Variants in SEMA6D observed in about 807,000 individuals in gnomAD.
SEMA6D encodes the protein semaphorin-6D.
In SEMA6D, 35 loss-of-function variants were observed where a neutral mutation model predicts 106.6. The observed-to-expected ratio is 0.33, with a 90% CI of 0.25 to 0.44. The LOEUF (loss-of-function observed/expected upper bound fraction) is 0.44. SEMA6D is among the 20% of genes least tolerant of loss of function. The pLI is 1.00. For synonymous variants in SEMA6D, 499 were observed against 487.7 expected (o/e 1.02, Z -0.31); for missense variants, 1,185 against 1,345.9 (o/e 0.88, Z 1.87).
intron 1 of SEMA6D, among the ~76,000 whole-genome samples, chr15:47,404,387 A>G (rs909955765): frequency 3.3e-5 from 5 of 152,090 alleles, no homozygotes; most frequent in Admixed American, 2.0e-4. Context: ...TCCTCATTTT[A>G]TCAAAGAGAG....
intron 1 of SEMA6D, among the ~76,000 whole-genome samples, chr15:47,206,799 C>T (rs1234549737): frequency 6.6e-6 from 1 of 152,076 alleles, no homozygotes; most frequent in Non-Finnish European, 1.5e-5. Context: ...AACAGCATTC[C>T]TGCAGCCCTC....
chr15:47,455,275 C>T (rs1432659929), intron 2 of SEMA6D, among the ~76,000 whole-genome samples: 2 of 151,798 alleles, frequency 1.3e-5, no homozygotes, highest in South Asian at 4.2e-4. Flanking sequence ...CCTATATGTC[C>T]CTCTTTCCAC....
At chr15:47,525,893 C>CA (rs1566858043) in intron 3 of SEMA6D, among the ~76,000 whole-genome samples, 1 of 151,876 alleles carries the variant, frequency 6.6e-6, no homozygotes, top group East Asian at 1.9e-4. Flanking sequence ...CAAAACAAAA[C>CA]AAAAAAATAA....
At chr15:47,581,975 T>G (rs2076262185) in intron 3 of SEMA6D, among the ~76,000 whole-genome samples, 1 of 152,190 alleles carries the variant, frequency 6.6e-6, no homozygotes, top group Non-Finnish European at 1.5e-5. Context: ...GGATATCGAT[T>G]GGGAAATTTT....
intron 1 of SEMA6D, among the ~76,000 whole-genome samples, chr15:47,408,944 T>A (rs1032583478): frequency 1.2e-4 from 19 of 152,156 alleles, no homozygotes; most frequent in African/African-American, 4.3e-4. Context: ...TCTGCATGAG[T>A]GCAAGGACTC....
chr15:47,455,040 A>G (rs991356523), intron 2 of SEMA6D, among the ~76,000 whole-genome samples: 2 of 151,912 alleles, frequency 1.3e-5, no homozygotes, highest in African/African-American at 4.8e-5. Context: ...AACAGCCCAG[A>G]ACCTAGCACA....
intron 1 of SEMA6D, among the ~76,000 whole-genome samples, chr15:47,279,703 C>T (rs2035016198): frequency 6.6e-6 from 1 of 152,156 alleles, no homozygotes; most frequent in Non-Finnish European, 1.5e-5. Flanking sequence ...GACGTCCCAT[C>T]AATACCTAAT....
intron 1 of SEMA6D, among the ~76,000 whole-genome samples, chr15:47,351,851 T>C (rs182334677): frequency 6.6e-6 from 1 of 152,322 alleles, no homozygotes. Context: ...AGCTCTGATA[T>C]GGAAGATTTC....
intron 2 of SEMA6D, among the ~76,000 whole-genome samples, chr15:47,448,077 C>A (rs1311138011): frequency 6.6e-6 from 1 of 152,086 alleles, no homozygotes; most frequent in East Asian, 1.9e-4. Flanking sequence ...TGGAAGGTCA[C>A]AGAGGCCACA....
chr15:47,301,096 G>A (rs2036000354), intron 1 of SEMA6D, among the ~76,000 whole-genome samples: 1 of 152,240 alleles, frequency 6.6e-6, no homozygotes, highest in Admixed American at 6.5e-5. Context: ...GTTATTGGGA[G>A]CTAGACAAAA....
intron 3 of SEMA6D, among the ~76,000 whole-genome samples, chr15:47,593,170 C>T (rs139314718): frequency 6.6e-5 from 10 of 152,084 alleles, no homozygotes; most frequent in African/African-American, 2.4e-4. Flanking sequence ...TTTGGGAAGC[C>T]GAGGCGGGCG....
chr15:47,584,722 G>C (rs2076308229), intron 3 of SEMA6D, among the ~76,000 whole-genome samples: 1 of 152,158 alleles, frequency 6.6e-6, no homozygotes, highest in East Asian at 1.9e-4. Flanking sequence ...AACCTCTGGG[G>C]CCTCTCTAGA....
chr15:47,294,120 G>A (rs978327402), intron 1 of SEMA6D, among the ~76,000 whole-genome samples: 5 of 151,802 alleles, frequency 3.3e-5, no homozygotes, highest in Non-Finnish European at 5.9e-5. Flanking sequence ...TTTCAGAGCC[G>A]TGCACTATTG....
intron 2 of SEMA6D, among the ~76,000 whole-genome samples, chr15:47,426,841 A>G (rs1368069748): frequency 1.3e-5 from 2 of 152,274 alleles, no homozygotes; most frequent in East Asian, 3.9e-4. Flanking sequence ...CAATTGTGGT[A>G]ATGAACTGTA....
chr15:47,200,947 C>CT (rs1894685478), intron 1 of SEMA6D, among the ~76,000 whole-genome samples: 1 of 152,098 alleles, frequency 6.6e-6, no homozygotes, highest in African/African-American at 2.4e-5. Flanking sequence ...TGCGTGGTTT[C>CT]TTTGAGTGTG....
At chr15:47,541,851 TA>T (rs2045364869) in intron 3 of SEMA6D, among the ~76,000 whole-genome samples, 1 of 150,134 alleles carries the variant, frequency 6.7e-6, no homozygotes, top group Admixed American at 6.6e-5. Context: ...AGAGCTGTTC[TA>T]AATCAGTTCT....
chr15:47,469,592 G>C (rs16959546), intron 2 of SEMA6D, among the ~76,000 whole-genome samples: 45,723 of 151,856 alleles, frequency 0.3, 7,010 homozygotes, highest in Middle Eastern at 0.45. Context: ...AGATTCTCCA[G>C]AAAGTGTTTA....
intron 2 of SEMA6D, among the ~76,000 whole-genome samples, chr15:47,468,460 C>G (rs1451812279): frequency 6.6e-6 from 1 of 152,086 alleles, no homozygotes; most frequent in East Asian, 1.9e-4. Context: ...GGTGAAAGCT[C>G]GGCTCTGAGA....
At chr15:47,748,956 CA>C (rs112823393) in intron 1 of SEMA6D, among the ~76,000 whole-genome samples, 6,277 of 151,716 alleles carry the variant, frequency 0.041, 389 homozygotes, top group African/African-American at 0.13. Context: ...CTGACAGGTT[CA>C]AAGGAGAGGA....
Sources: allele counts gnomAD v4.1 joint callset (sites outside exome capture counted in the v4.1 genomes callset), GRCh38; gene constraint gnomAD v4.1.1; transcripts MANE v1.5; gene names NCBI Gene and HGNC (gene_info 2026-07-23, HGNC 2026-07-21).